PTPRN2: variants seen among roughly 807,000 people sequenced by gnomAD.
PTPRN2 encodes receptor-type tyrosine-protein phosphatase N2.
PTPRN2 carries 74 observed loss-of-function variants against 118.8 expected under a neutral mutation model. That is an observed-to-expected ratio of 0.62 (90% CI 0.52 to 0.76). The LOEUF (loss-of-function observed/expected upper bound fraction) is 0.76. Among genes scored for constraint, PTPRN2 ranks in the 30% least tolerant of loss-of-function variants. The pLI is 0.00. For synonymous variants in PTPRN2, 641 were observed against 608.0 expected, an observed-to-expected ratio of 1.05 and a Z score of -0.80; for missense variants, 1,481 against 1,394.4, an observed-to-expected ratio of 1.06 and a Z score of -0.99.
At chr7:158,331,246 C>G (rs1339324419) in intron 2 of PTPRN2, among the ~76,000 whole-genome samples, 1 of 147,024 alleles carries the variant, frequency 6.8e-6, no homozygotes, top group Admixed American at 6.8e-5. Flanking sequence ...AGACGTCACT[C>G]ACACCCACAC....
intron 12 of PTPRN2, among the ~76,000 whole-genome samples, chr7:157,815,592 G>A (rs556507124): frequency 6.6e-6 from 1 of 152,302 alleles, no homozygotes; most frequent in South Asian, 2.1e-4. Context: ...TGACGTCATG[G>A]GAGTTGGCCC....
chr7:157,959,476 G>A (rs893830506), intron 11 of PTPRN2, among the ~76,000 whole-genome samples: 2 of 152,186 alleles, frequency 1.3e-5, no homozygotes, highest in Admixed American at 6.5e-5. Flanking sequence ...TATCTGATTA[G>A]GAGTATCTAG....
At chr7:158,420,141 C>A (rs1336476230) in intron 2 of PTPRN2, among the ~76,000 whole-genome samples, 1 of 152,168 alleles carries the variant, frequency 6.6e-6, no homozygotes, top group Non-Finnish European at 1.5e-5. Flanking sequence ...GTTCTCCCTC[C>A]CAATTCCTCC....
intron 12 of PTPRN2, among the ~76,000 whole-genome samples, chr7:157,894,466 G>A (rs1445925569): frequency 3.2e-4 from 11 of 34,472 alleles, no homozygotes; most frequent in African/African-American, 1.4e-3. Context: ...TCCTGTGGAC[G>A]CTGAGAGCTG....
chr7:158,380,127 T>A (rs577167250), intron 2 of PTPRN2, among the ~76,000 whole-genome samples: 57 of 152,252 alleles, frequency 3.7e-4, no homozygotes, highest in African/African-American at 1.3e-3. Flanking sequence ...CCAAACCATA[T>A]CATTATGCCC....
chr7:157,714,354 G>C (rs1798798610), intron 12 of PTPRN2, among the ~76,000 whole-genome samples: 1 of 152,204 alleles, frequency 6.6e-6, no homozygotes, highest in African/African-American at 2.4e-5. Context: ...CCCAGGCCAG[G>C]ACAGTCTGAG....
At chr7:157,985,865 G>A (rs963232766) in intron 11 of PTPRN2, among the ~76,000 whole-genome samples, 1 of 151,770 alleles carries the variant, frequency 6.6e-6, no homozygotes, top group South Asian at 2.1e-4. Context: ...GCTCCTCCAA[G>A]ATGCCACCGC....
At chr7:158,318,007 A>G (rs967204056) in intron 2 of PTPRN2, among the ~76,000 whole-genome samples, 4 of 152,180 alleles carry the variant, frequency 2.6e-5, no homozygotes, top group African/African-American at 9.7e-5. Context: ...CGGGCGGACA[A>G]TGGCAAGGAG....
chr7:158,113,064 T>G (rs1245880090), intron 9 of PTPRN2, among the ~76,000 whole-genome samples: 1 of 150,942 alleles, frequency 6.6e-6, no homozygotes, highest in Non-Finnish European at 1.5e-5. Context: ...CCCCAACATT[T>G]AGGGCAATGA....
chr7:157,629,593 C>A lies in PTPRN2; in HGVS notation c.2197-8084G>T, dbSNP rs1585137195. Among the ~76,000 whole-genome samples the A allele has an allele frequency of 6.6e-6, 1 of 152,178 alleles. No individual in the cohort carries two copies. The highest frequency in any genetic ancestry group is 1.9e-4 in the East Asian group (1 of 5,156). Reference sequence around the variant, plus strand: ...AGTCCCCACGGATGACTGGAGGCGCCCATCATCACTCCGTGGGTCTTCGGA... The same window carrying A: ...AGTCCCCACGGATGACTGGAGGCGCACATCATCACTCCGTGGGTCTTCGGA... On this transcript the variant is annotated intron_variant, in intron 14 of 22. Transcript: ENST00000389418. The surrounding 1 kb of genome is among the most constrained non-coding windows in gnomAD (Gnocchi z 4.4).
Position 158,179,205 on chromosome 7 carries a change from G to C in PTPRN2, c.550-11914C>G, listed in dbSNP as rs143734884. On this transcript the variant is annotated intron_variant, in intron 5 of 22. Transcript: ENST00000389418. ...TTTTTAATAATAGTCATTCTTGCAG[G>C]AGTATGGTGGTATCTCATTGTGGTT... 1.0e-3 allele frequency among the ~76,000 whole-genome samples: 157 copies of C among 152,262 alleles called. 1 individual carries two copies. In the East Asian group the frequency reaches 0.018, roughly 18 times the overall value.
intron 2 of PTPRN2, among the ~76,000 whole-genome samples, chr7:158,354,557 G>C (rs1283853732): frequency 6.6e-6 from 1 of 152,154 alleles, no homozygotes; most frequent in Non-Finnish European, 1.5e-5. Flanking sequence ...AGCGAAATGA[G>C]GAAATTCATG....
At chr7:157,908,011 G>A (rs1797873747) in intron 11 of PTPRN2, among the ~76,000 whole-genome samples, 1 of 152,234 alleles carries the variant, frequency 6.6e-6, no homozygotes, top group African/African-American at 2.4e-5. Flanking sequence ...CAGGAGCTCA[G>A]GCCCACAGCC....
chr7:158,257,545 A>T (rs1381426534), intron 3 of PTPRN2, among the ~76,000 whole-genome samples: 1 of 152,128 alleles, frequency 6.6e-6, no homozygotes, highest in Non-Finnish European at 1.5e-5. Context: ...GAATCATAGG[A>T]TAAGAGGACT....
intron 9 of PTPRN2, among the ~76,000 whole-genome samples, chr7:158,127,557 C>T (rs562597035): frequency 6.6e-5 from 10 of 152,308 alleles, no homozygotes; most frequent in Non-Finnish European, 1.0e-4. Context: ...GCACTGTGGC[C>T]GCCACCCCAG....
At chr7:157,771,959 GACAGAC>G (rs778129608) in intron 12 of PTPRN2, among the ~76,000 whole-genome samples, 2,179 of 148,460 alleles carry the variant, frequency 0.015, 71 homozygotes, top group African/African-American at 0.05. Flanking sequence ...CACACATACA[GACAGAC>G]ACACACACAT....
intron 12 of PTPRN2, among the ~76,000 whole-genome samples, chr7:157,894,916 G>T (rs554104095): frequency 6.6e-6 from 1 of 152,184 alleles, no homozygotes; most frequent in Non-Finnish European, 1.5e-5. Flanking sequence ...AAAGTGGATC[G>T]GCTGGGACAC....
At chr7:158,587,305 G>T (rs1389622479) in intron 1 of PTPRN2, among the ~76,000 whole-genome samples, 1 of 74,054 alleles carries the variant, frequency 1.4e-5, no homozygotes, top group Non-Finnish European at 2.6e-5. Flanking sequence ...TCTCAGAGGC[G>T]CCCCTCCCCC....
intron 6 of PTPRN2, among the ~76,000 whole-genome samples, chr7:158,149,042 C>A (rs1408978074): frequency 1.5e-5 from 2 of 134,368 alleles, no homozygotes; most frequent in Non-Finnish European, 3.2e-5. Flanking sequence ...CTTTCCCTCT[C>A]ACTGACACCC....
Sources: allele counts gnomAD v4.1 joint callset (sites outside exome capture counted in the v4.1 genomes callset), GRCh38; gene constraint gnomAD v4.1.1; non-coding constraint Gnocchi (gnomAD v3.1); transcripts MANE v1.5; gene names NCBI Gene and HGNC (gene_info 2026-07-23, HGNC 2026-07-21).